Variants in MLLT10 observed in about 807,000 individuals in gnomAD.
MLLT10 encodes protein AF-10.
MLLT10 carries 30 observed loss-of-function variants against 129.1 expected under a neutral mutation model. The ratio of observed to expected loss-of-function variants is 0.23; its 90% CI spans 0.17 to 0.32. The LOEUF is 0.32. MLLT10 is among the 10% of genes least tolerant of loss of function. The pLI is 1.00. For synonymous variants in MLLT10, 490 were observed against 446.4 expected, an observed-to-expected ratio of 1.10 and a Z score of -1.23; for missense variants, 1,119 against 1,268.3, an observed-to-expected ratio of 0.88 and a Z score of 1.79.
chr10:21,672,494 C>A (rs994764931), intron 10 of MLLT10, among the ~76,000 whole-genome samples: 2 of 151,958 alleles, frequency 1.3e-5, no homozygotes, highest in African/African-American at 2.4e-5. Flanking sequence ...TCAGTAGAGT[C>A]GGGGGTTTCA....
chr10:21,551,961 A>ATTTTTGTATTT, intron 3 of MLLT10: 1 of 247,020 alleles, frequency 4.0e-6, no homozygotes, highest in South Asian at 3.7e-5. Flanking sequence ...TGCCTGGGCA[A>ATTTTTGTATTT]TTTTTGTATT....
chr10:21,668,262 C>T (rs796873422), intron 9 of MLLT10, among the ~76,000 whole-genome samples: 1 of 152,074 alleles, frequency 6.6e-6, no homozygotes, highest in Admixed American at 6.6e-5. Context: ...TAGTCTTGGG[C>T]TTACTCATAG....
chr10:21,712,054 T>C lies in MLLT10; in HGVS notation c.1700-1718T>C, dbSNP rs150938709. 2.0e-4 allele frequency among the ~76,000 whole-genome samples: 30 copies of C among 152,306 alleles called. No homozygotes were observed. In the East Asian group the frequency reaches 5.6e-3, roughly 28 times the overall value. On this transcript the variant is annotated intron_variant, in intron 13 of 22. Transcript: ENST00000307729. ...GCAGAATGAATGCATTGGCTAAATA[T>C]ATCATTTTTCTGGAGAAATTGTAGA... is the stretch of plus-strand genomic sequence containing the variant.
intron 3 of MLLT10, among the ~76,000 whole-genome samples, chr10:21,540,450 G>A (rs2034944867): frequency 6.6e-6 from 1 of 151,920 alleles, no homozygotes; most frequent in African/African-American, 2.4e-5. Flanking sequence ...CAGCTACTCT[G>A]GAAGCTGAGA....
At chr10:21,605,529 C>T (rs1442201462) in intron 5 of MLLT10, among the ~76,000 whole-genome samples, 3 of 152,110 alleles carry the variant, frequency 2.0e-5, no homozygotes, top group Admixed American at 1.3e-4. Context: ...ACTGCAACAT[C>T]AACCTCCCGG....
Position 21,727,910 on chromosome 10 carries a change from G to A in MLLT10, c.2045G>A (p.Arg682Gln), listed in dbSNP as rs757081887. 17 of 1,613,868 alleles carry A rather than the reference G, an allele frequency of 1.1e-5. No individual in the cohort carries two copies. The highest frequency in any genetic ancestry group is 6.7e-5 in the Admixed American group (4 of 59,984). ...RNLVGRGSSP[R>Q]GSLSPRSPVS... ...CTAGTTGGCAGAGGAAGCTCACCCC[G>A]AGGAAGTCTCTCGCCACGGTAAGCG... Residue 682 changes from arginine (R) to glutamine (Q), a missense_variant, in exon 16 of 23, where the codon CGA becomes CAA. Arg to Gln is a conservative substitution (Grantham distance 43). Coordinates refer to ENST00000307729, the MANE Select transcript of MLLT10 (RefSeq NM_001195626.3).
intron 13 of MLLT10, chr10:21,708,688 A>G: frequency 1.0e-6 from 1 of 985,302 alleles, no homozygotes; most frequent in South Asian, 4.7e-5. Context: ...TATAAAAACA[A>G]TTTAAGTTTT....
intron 8 of MLLT10, among the ~76,000 whole-genome samples, chr10:21,627,688 C>T (rs766910541): frequency 3.9e-5 from 6 of 152,110 alleles, no homozygotes; most frequent in African/African-American, 1.4e-4. Flanking sequence ...TAACAGTGGC[C>T]TAGATTTTAT....
intron 8 of MLLT10, among the ~76,000 whole-genome samples, chr10:21,621,221 C>T (rs573076339): frequency 7.1e-6 from 1 of 141,704 alleles, no homozygotes; most frequent in African/African-American, 2.7e-5. Flanking sequence ...GTCTCGATCT[C>T]CTGACCTCGT....
intron 3 of MLLT10, among the ~76,000 whole-genome samples, chr10:21,573,959 G>T (rs1464689754): frequency 6.6e-6 from 1 of 152,074 alleles, no homozygotes; most frequent in East Asian, 1.9e-4. Context: ...GTTGCTTTTT[G>T]TCAAGTGCTG....
chr10:21,562,818 G>GTTTTTTTTTT (rs1163404490), intron 3 of MLLT10, among the ~76,000 whole-genome samples: 219 of 82,528 alleles, frequency 2.7e-3, no homozygotes, highest in East Asian at 6.8e-3. Context: ...TGTTTTTTTT[G>GTTTTTTTTTT]TTTTTTTTTT....
intron 3 of MLLT10, among the ~76,000 whole-genome samples, chr10:21,580,951 A>G (rs2041372493): frequency 7.0e-6 from 1 of 142,018 alleles, no homozygotes; most frequent in African/African-American, 2.7e-5. Context: ...TGACCTCATG[A>G]TCTGCCTGCA....
At position 21,585,415 on chromosome 10, in the gene MLLT10, G is replaced by A. The variant is rs74120976; in HGVS notation, c.241-879G>A. On this transcript the variant is annotated intron_variant, in intron 3 of 22. Coordinates refer to ENST00000307729, the MANE Select transcript of MLLT10 (RefSeq NM_001195626.3). ...TTTTAAATTCTGAGCATGAGAAGGA[G>A]AGGGATCCACAATAAATTTTGAGTA... 2.5e-3 allele frequency among the ~76,000 whole-genome samples: 380 copies of A among 152,232 alleles called. 2 individuals carry two copies. Among genetic ancestry groups the A allele is most frequent in the African/African-American group, 8.6e-3 (358 of 41,530 alleles).
intron 11 of MLLT10, among the ~76,000 whole-genome samples, 159 bp downstream of exon 11, chr10:21,674,078 T>G (rs572683060): frequency 6.6e-6 from 1 of 152,328 alleles, no homozygotes; most frequent in Non-Finnish European, 1.5e-5. Context: ...TAATGGAAAA[T>G]ACAAAAATAT....
intron 9 of MLLT10, among the ~76,000 whole-genome samples, chr10:21,659,199 AT>A (rs1319237481): frequency 2.6e-5 from 4 of 151,922 alleles, no homozygotes; most frequent in African/African-American, 9.7e-5. Flanking sequence ...TCTTTATGAA[AT>A]TTAGTTTATG....
intron 2 of MLLT10, among the ~76,000 whole-genome samples, chr10:21,535,355 C>G (rs2033756396): frequency 6.6e-6 from 1 of 152,114 alleles, no homozygotes; most frequent in Admixed American, 6.5e-5. Flanking sequence ...GGGCCCGTTG[C>G]ACCCCGAGCC....
chr10:21,547,366 A>G (rs960057955), intron 3 of MLLT10, among the ~76,000 whole-genome samples: 6 of 145,292 alleles, frequency 4.1e-5, no homozygotes, highest in Admixed American at 6.8e-5. Flanking sequence ...CCCTCGCACA[A>G]TCTATGTTAT....
At chr10:21,707,958 C>T (rs1393741301) in intron 13 of MLLT10, among the ~76,000 whole-genome samples, 1 of 152,208 alleles carries the variant, frequency 6.6e-6, no homozygotes, top group African/African-American at 2.4e-5. Context: ...TTAGACAGGT[C>T]TTTCTTGCTT....
chr10:21,573,865 ATTC>A (rs2040471852), intron 3 of MLLT10, among the ~76,000 whole-genome samples: 1 of 152,120 alleles, frequency 6.6e-6, no homozygotes, highest in Admixed American at 6.6e-5. Context: ...CAACTGGCCT[ATTC>A]TTCTTATATA....
Sources: allele counts gnomAD v4.1 joint callset (sites outside exome capture counted in the v4.1 genomes callset), GRCh38; gene constraint gnomAD v4.1.1; transcripts MANE v1.5; gene names NCBI Gene and HGNC (gene_info 2026-07-23, HGNC 2026-07-21).